The following PLXNA2 variants were observed in gnomAD, a reference collection of about 807,000 sequenced individuals.
The protein encoded by PLXNA2 is plexin A2, also known as plexin-A2.
Under a neutral mutation model 193.5 loss-of-function variants are expected in PLXNA2, and 91 were observed. The ratio of observed to expected loss-of-function variants is 0.47; its 90% CI spans 0.40 to 0.56. The LOEUF (loss-of-function observed/expected upper bound fraction) is 0.56. PLXNA2 is among the 20% of genes least tolerant of loss of function. PLXNA2 has a pLI of 0.00. For missense variants in PLXNA2, 1,995 were observed against 2,503.2 expected (o/e 0.80, Z 4.33); for synonymous variants, 997 against 1,027.3 (o/e 0.97, Z 0.56).
At chr1:208,192,158 A>T (rs1670204285) in intron 3 of PLXNA2, among the ~76,000 whole-genome samples, 1 of 152,124 alleles carries the variant, frequency 6.6e-6, no homozygotes, top group African/African-American at 2.4e-5. Context: ...TTTGTCTCCC[A>T]GGTGTAACCT....
chr1:208,154,550 C>A (rs1668879202), intron 3 of PLXNA2, among the ~76,000 whole-genome samples: 1 of 152,168 alleles, frequency 6.6e-6, no homozygotes. Flanking sequence ...ACCAAGGGAG[C>A]TACACTAGGG....
chr1:208,155,200 G>T (rs1379601077), intron 3 of PLXNA2, among the ~76,000 whole-genome samples: 3 of 152,182 alleles, frequency 2.0e-5, no homozygotes, highest in African/African-American at 7.2e-5. Flanking sequence ...GCAAGGAGGA[G>T]TCGTTTGACT....
chr1:208,051,789 CA>C (rs1193314230), intron 15 of PLXNA2, among the ~76,000 whole-genome samples: 2 of 152,192 alleles, frequency 1.3e-5, no homozygotes, highest in Non-Finnish European at 2.9e-5. Flanking sequence ...AGTGAATGCA[CA>C]GTCCTTGCCC....
chr1:208,065,688 G>A lies in PLXNA2; in HGVS notation c.2587-4851C>T, dbSNP rs73083051. 7.0e-3 allele frequency among the ~76,000 whole-genome samples: 1,072 copies of A among 152,320 alleles called. 9 individuals are homozygous for A. The highest frequency in any genetic ancestry group is 0.025 in the African/African-American group (1,034 of 41,584). ...ACTGGGGTGACCCGGGGTACAAAGA[G>A]CTGCTCATGGGCCGTTTGGAGAATG... On this transcript the variant is annotated intron_variant, in intron 12 of 31. Transcript: ENST00000367033.
intron 4 of PLXNA2, among the ~76,000 whole-genome samples, chr1:208,141,614 A>G (rs1202234133): frequency 1.3e-5 from 2 of 152,292 alleles, no homozygotes; most frequent in East Asian, 3.9e-4. Context: ...CGGCTTGGCT[A>G]AGGTCTTTGC....
chr1:208,152,862 TTCTA>T lies in PLXNA2; in HGVS notation c.1372-10403_1372-10400del, dbSNP rs1163333205. On this transcript the variant is annotated intron_variant, in intron 3 of 31. Transcript: ENST00000367033. ...CTTCACGCCTTTGCTTGACAATTTA[TTCTA>T]CCTCCTAGATCCTAACCATCCTTCA... Among the ~76,000 whole-genome samples the T allele has an allele frequency of 1.3e-3, 173 of 138,030 alleles. 1 individual carries two copies. Among genetic ancestry groups the T allele is most frequent in the African/African-American group, 4.9e-3 (168 of 34,626 alleles). 90.6% of individuals were successfully genotyped at this position (138,030 alleles called of 152,430 possible). A position where few individuals can be genotyped will look rare whatever the true frequency, so the allele number is the denominator to read the frequency against.
intron 3 of PLXNA2, among the ~76,000 whole-genome samples, chr1:208,158,014 G>A (rs1159486950): frequency 2.6e-5 from 4 of 152,300 alleles, no homozygotes; most frequent in Admixed American, 6.5e-5. Flanking sequence ...CACTGGCACC[G>A]TGTGCTGTGA....
intron 5 of PLXNA2, 21 bp downstream of exon 5, chr1:208,103,126 T>C (rs1571918771): frequency 1.3e-6 from 2 of 1,582,378 alleles, no homozygotes; most frequent in South Asian, 1.1e-5. Context: ...CAAACCCTTT[T>C]CCAGTATACC....
chr1:208,159,832 G>A (rs762825788), intron 3 of PLXNA2, among the ~76,000 whole-genome samples: 1 of 152,222 alleles, frequency 6.6e-6, no homozygotes, highest in Non-Finnish European at 1.5e-5. Context: ...CTGGTGAGTG[G>A]GAGGGTGAAC....
intron 3 of PLXNA2, among the ~76,000 whole-genome samples, chr1:208,174,134 C>T (rs1669585010): frequency 6.6e-6 from 1 of 152,318 alleles, no homozygotes; most frequent in Middle Eastern, 3.4e-3. Flanking sequence ...CATGACGTGA[C>T]TGGTTTTTGC....
intron 4 of PLXNA2, among the ~76,000 whole-genome samples, chr1:208,140,564 G>A (rs1304047487): frequency 6.6e-6 from 1 of 152,080 alleles, no homozygotes; most frequent in Admixed American, 6.6e-5. Context: ...CACCAATATA[G>A]GTTGTCATCT....
intron 21 of PLXNA2, 106 bp from the exon 22 acceptor site, chr1:208,042,472 C>A: frequency 7.8e-7 from 1 of 1,289,552 alleles, no homozygotes. Context: ...GCTGTAGGAC[C>A]CTATGTTTGA....
chr1:208,181,559 C>T (rs189531551), intron 3 of PLXNA2, among the ~76,000 whole-genome samples: 2 of 152,364 alleles, frequency 1.3e-5, no homozygotes, highest in East Asian at 3.9e-4. Flanking sequence ...CTCCCGTCAG[C>T]CCTGTTTGCT....
At chr1:208,153,497 T>C (rs1668834466) in intron 3 of PLXNA2, among the ~76,000 whole-genome samples, 1 of 152,192 alleles carries the variant, frequency 6.6e-6, no homozygotes, top group Non-Finnish European at 1.5e-5. Context: ...GAACCTGGCG[T>C]GTAAACACCT....
chr1:208,161,395 G>C (rs1669100739), intron 3 of PLXNA2, among the ~76,000 whole-genome samples: 1 of 152,102 alleles, frequency 6.6e-6, no homozygotes, highest in Admixed American at 6.5e-5. Context: ...TTTATTTTTT[G>C]CTTCTTCAAA....
chr1:208,051,136 AC>A (rs35443207), intron 16 of PLXNA2, 34 bp from the exon 17 acceptor site: 2 of 1,601,834 alleles, frequency 1.2e-6, no homozygotes. Flanking sequence ...TAGGTAAAAA[AC>A]CCCCTCAAAT....
chr1:208,101,226 A>C (rs1451338775), intron 5 of PLXNA2, among the ~76,000 whole-genome samples: 1 of 152,142 alleles, frequency 6.6e-6, no homozygotes, highest in Non-Finnish European at 1.5e-5. Flanking sequence ...AGGCATACAG[A>C]AGAGACAGGA....
chr1:208,087,802 A>G (rs1666579962), intron 9 of PLXNA2, among the ~76,000 whole-genome samples: 1 of 152,162 alleles, frequency 6.6e-6, no homozygotes, highest in Admixed American at 6.5e-5. Flanking sequence ...ACTGGACCCC[A>G]AACAATTGCC....
At chr1:208,117,322 G>A (rs569281534) in intron 4 of PLXNA2, among the ~76,000 whole-genome samples, 4 of 152,294 alleles carry the variant, frequency 2.6e-5, no homozygotes, top group South Asian at 4.1e-4. Flanking sequence ...GTAGGCTGGC[G>A]AGCCCGCAGG....
Sources: gnomAD v4.1 joint callset for allele counts (sites outside exome capture counted in the v4.1 genomes callset) on GRCh38, gnomAD v4.1.1 for gene constraint, MANE v1.5 for transcripts, NCBI Gene and HGNC (gene_info 2026-07-23, HGNC 2026-07-21) for gene names.